DNAJC21: variants seen among roughly 807,000 people sequenced by gnomAD.
The protein encoded by DNAJC21 is dnaJ homolog subfamily C member 21.
A neutral mutation model predicts 72.4 loss-of-function variants in DNAJC21; 63 were observed. That is an observed-to-expected ratio of 0.87 (90% CI 0.71 to 1.07). DNAJC21 has a LOEUF of 1.07. Ranked by LOEUF, DNAJC21 falls within the 50% of genes least tolerant of loss-of-function variation. The pLI is 0.00. For synonymous variants in DNAJC21, 203 were observed against 216.7 expected (o/e 0.94, Z 0.56); for missense variants, 634 against 644.8 (o/e 0.98, Z 0.18).
intron 2 of DNAJC21, among the ~76,000 whole-genome samples, chr5:34,934,273 G>C (rs770391201): frequency 6.6e-6 from 1 of 151,986 alleles, no homozygotes; most frequent in Non-Finnish European, 1.5e-5. Context: ...CTGTCACCCA[G>C]GCTGGAGTGC....
chr5:34,947,520 C>T (rs1410600493), intron 9 of DNAJC21, among the ~76,000 whole-genome samples: 3 of 152,060 alleles, frequency 2.0e-5, no homozygotes, highest in Admixed American at 6.5e-5. Flanking sequence ...AGACCCATGT[C>T]ATTTCTTTCC....
At chr5:34,946,427 G>T (rs1316340497) in intron 9 of DNAJC21, among the ~76,000 whole-genome samples, 1 of 151,950 alleles carries the variant, frequency 6.6e-6, no homozygotes, top group Non-Finnish European at 1.5e-5. Context: ...TGGCATTTTA[G>T]TATAATCTAG....
intron 9 of DNAJC21, among the ~76,000 whole-genome samples, chr5:34,947,578 T>G (rs1306218058): frequency 1.3e-5 from 2 of 151,366 alleles, no homozygotes; most frequent in Non-Finnish European, 3.0e-5. Context: ...TGTGTAAGTA[T>G]TTTATTTAAA....
At chr5:34,946,266 T>C (rs1561189185) in intron 9 of DNAJC21, among the ~76,000 whole-genome samples, 1 of 152,152 alleles carries the variant, frequency 6.6e-6, no homozygotes. Flanking sequence ...TGTTTCTATT[T>C]TTCTGAAGTT....
intron 8 of DNAJC21, among the ~76,000 whole-genome samples, 170 bp downstream of exon 8, chr5:34,945,195 A>C (rs551613765): frequency 6.6e-6 from 1 of 152,264 alleles, no homozygotes; most frequent in East Asian, 1.9e-4. Context: ...CTCCTCCCTC[A>C]GCCTCCCAAG....
rs547087778 is a variant in DNAJC21, at chr5:34,958,010, T to G, written c.*3296T>G. 6 of 152,290 alleles carry G rather than the reference T, an allele frequency of 3.9e-5. No homozygotes were observed. In the South Asian group the frequency reaches 1.2e-3, roughly 32 times the overall value. The allele number at this position is 152,290 out of a possible 1,614,324, so 9.4% of individuals were successfully genotyped here. ...TAGAGGTGATTTTCAGATTTCTTGTTCTATGGAAGAGGAAGCTGAGCTCAG... is the reference window on the plus strand; with the variant it reads ...TAGAGGTGATTTTCAGATTTCTTGTGCTATGGAAGAGGAAGCTGAGCTCAG... On this transcript the variant is annotated 3_prime_UTR_variant, in exon 12 of 12. Coordinates refer to ENST00000648817, the MANE Select transcript of DNAJC21 (RefSeq NM_001012339.3).
chr5:34,935,874 T>G, intron 3 of DNAJC21, 41 bp downstream of exon 3: 1 of 1,610,776 alleles, frequency 6.2e-7, no homozygotes, highest in Non-Finnish European at 8.5e-7. Flanking sequence ...CATCAAGTAC[T>G]TCATTAAGAC....
At chr5:34,932,287 G>T (rs1764623742) in intron 1 of DNAJC21, among the ~76,000 whole-genome samples, 1 of 152,078 alleles carries the variant, frequency 6.6e-6, no homozygotes. Flanking sequence ...TGGGCGTGGT[G>T]GCGCACGCCT....
intron 10 of DNAJC21, chr5:34,951,173 G>A: frequency 1.0e-6 from 1 of 985,414 alleles, no homozygotes; most frequent in Non-Finnish European, 1.2e-6. Context: ...TCTGGCTATA[G>A]AAAAAGGTAT....
intron 9 of DNAJC21, among the ~76,000 whole-genome samples, chr5:34,949,260 A>T (rs1474199476): frequency 6.6e-6 from 1 of 152,206 alleles, no homozygotes; most frequent in Admixed American, 6.5e-5. Context: ...GATCATTTGG[A>T]AACAACCAAA....
At chr5:34,948,766 G>A (rs1018016942) in intron 9 of DNAJC21, among the ~76,000 whole-genome samples, 1 of 152,114 alleles carries the variant, frequency 6.6e-6, no homozygotes, top group Admixed American at 6.6e-5. Context: ...TCAGGAGCCT[G>A]AGGCAGGAGA....
intron 8 of DNAJC21, 108 bp downstream of exon 8, chr5:34,945,133 A>C: frequency 7.4e-7 from 1 of 1,349,636 alleles, no homozygotes; most frequent in East Asian, 2.4e-5. Flanking sequence ...GCTGGGGTGC[A>C]GTGGCGCAGT....
In DNAJC21 at chr5:34,929,917, G is replaced by A; in HGVS notation, c.97+1G>A. 1 of 1,574,130 alleles carries A rather than the reference G, an allele frequency of 6.4e-7. No homozygotes were observed. The highest frequency in any genetic ancestry group is 8.6e-7 in the Non-Finnish European group (1 of 1,160,184). On this transcript the variant is annotated splice_donor_variant, in intron 1 of 11. Transcript: ENST00000648817. LOFTEE classifies it high-confidence loss of function. ...AAGCTGGCCCTGAAATGGCACCCGGGTAAGTACCTGTCCCGCAGCCCCCGC... is the reference window on the plus strand; with the variant it reads ...AAGCTGGCCCTGAAATGGCACCCGGATAAGTACCTGTCCCGCAGCCCCCGC...
intron 9 of DNAJC21, among the ~76,000 whole-genome samples, chr5:34,946,939 C>A (rs1765191505): frequency 6.6e-6 from 1 of 152,144 alleles, no homozygotes; most frequent in Non-Finnish European, 1.5e-5. Context: ...AAGCTATATT[C>A]CTTTATAGCA....
At chr5:34,946,175 C>T (rs1469614330) in intron 9 of DNAJC21, among the ~76,000 whole-genome samples, 2 of 152,042 alleles carry the variant, frequency 1.3e-5, no homozygotes, top group African/African-American at 4.8e-5. Flanking sequence ...TTTTTTATCT[C>T]AGTTTATTCT....
chr5:34,932,387 CT>C (rs1462189088), intron 1 of DNAJC21, among the ~76,000 whole-genome samples: 3 of 149,454 alleles, frequency 2.0e-5, no homozygotes, highest in Non-Finnish European at 3.0e-5. Flanking sequence ...CGCCACTGCA[CT>C]CCAGCCTGGT....
chr5:34,934,679 C>T (rs1009172929), intron 2 of DNAJC21, among the ~76,000 whole-genome samples: 3 of 152,246 alleles, frequency 2.0e-5, no homozygotes, highest in African/African-American at 4.8e-5. Context: ...TGTTGAAGTT[C>T]TGAGTTTTCA....
intron 10 of DNAJC21, chr5:34,950,870 T>A: frequency 1.0e-6 from 1 of 985,644 alleles, no homozygotes; most frequent in Non-Finnish European, 1.2e-6. Context: ...TAGCCAGTCC[T>A]GTTCTCTCCT....
At chr5:34,943,529 A>G (rs1195632784) in intron 7 of DNAJC21, among the ~76,000 whole-genome samples, 2 of 152,182 alleles carry the variant, frequency 1.3e-5, no homozygotes, top group Non-Finnish European at 2.9e-5. Flanking sequence ...TAATTTTACT[A>G]TAGAGTTAGT....
Sources: allele counts gnomAD v4.1 joint callset (sites outside exome capture counted in the v4.1 genomes callset), GRCh38; gene constraint gnomAD v4.1.1; transcripts MANE v1.5; gene names NCBI Gene and HGNC (gene_info 2026-07-23, HGNC 2026-07-21).